PAPPA2: variants seen among roughly 807,000 people sequenced by gnomAD.
The protein encoded by PAPPA2 is pappalysin-2.
A neutral mutation model predicts 176.4 loss-of-function variants in PAPPA2; 86 were observed. The observed-to-expected ratio is 0.49, with a 90% CI of 0.41 to 0.58. PAPPA2 has a LOEUF of 0.58. Ranked by LOEUF, PAPPA2 falls within the 20% of genes least tolerant of loss-of-function variation. The pLI is 0.00. For missense variants in PAPPA2, 2,073 were observed against 2,256.9 expected (o/e 0.92, Z 1.65); for synonymous variants, 809 against 852.2 (o/e 0.95, Z 0.88).
chr1:176,771,222 G>T, intron 17 of PAPPA2, 42 bp downstream of exon 17: 1 of 1,578,214 alleles, frequency 6.3e-7, no homozygotes, highest in Non-Finnish European at 8.7e-7. Context: ...TACCTACCTC[G>T]CTGCTTGTTA....
Position 176,718,672 on chromosome 1 carries a change from T to G in PAPPA2, c.3798+6691T>G, listed in dbSNP as rs545151801. ...TTATTTATAAGTGTGCTGTTTAACT[T>G]GAAAACATATGTGGATTTGGGGTAA... is the stretch of plus-strand genomic sequence containing the variant. On this transcript the variant is annotated intron_variant, in intron 12 of 22. Coordinates refer to ENST00000367662, the MANE Select transcript of PAPPA2 (RefSeq NM_020318.3). Among the ~76,000 whole-genome samples, 7 of 151,808 alleles carry G rather than the reference T, an allele frequency of 4.6e-5. No individual in the cohort carries two copies. In the South Asian group the frequency reaches 1.5e-3, roughly 32 times the overall value.
intron 14 of PAPPA2, among the ~76,000 whole-genome samples, chr1:176,755,259 C>T (rs1355141462): frequency 6.6e-6 from 1 of 151,970 alleles, no homozygotes; most frequent in Non-Finnish European, 1.5e-5. Flanking sequence ...CAAAGGGGCC[C>T]CACAGGTGTT....
intron 2 of PAPPA2, among the ~76,000 whole-genome samples, chr1:176,582,085 G>A (rs1653014869): frequency 6.6e-6 from 1 of 151,396 alleles, no homozygotes; most frequent in Admixed American, 6.6e-5. Context: ...CACCACGCCC[G>A]GCTAATTTTT....
chr1:176,769,092 A>G (rs546859500), intron 15 of PAPPA2, among the ~76,000 whole-genome samples: 1 of 152,342 alleles, frequency 6.6e-6, no homozygotes, highest in South Asian at 2.1e-4. Context: ...AGGAGTGCAG[A>G]ATCACAGGAA....
chr1:176,516,921 T>C (rs891198797), intron 1 of PAPPA2, among the ~76,000 whole-genome samples: 4 of 152,200 alleles, frequency 2.6e-5, no homozygotes, highest in Admixed American at 6.6e-5. Context: ...GTCACTGCCA[T>C]TTTCAGCTTT....
intron 19 of PAPPA2, among the ~76,000 whole-genome samples, chr1:176,793,073 C>CCCA (rs1030174804): frequency 3.9e-5 from 6 of 152,032 alleles, no homozygotes; most frequent in African/African-American, 1.2e-4. Flanking sequence ...TTTCCCGCCA[C>CCCA]CCACCACCAC....
intron 21 of PAPPA2, among the ~76,000 whole-genome samples, chr1:176,819,352 A>G (rs1346601617): frequency 6.6e-6 from 1 of 152,144 alleles, no homozygotes; most frequent in Non-Finnish European, 1.5e-5. Flanking sequence ...GCCTATGGTT[A>G]GCATCACTCT....
chr1:176,745,777 G>A (rs1406750295), intron 14 of PAPPA2, among the ~76,000 whole-genome samples: 1 of 152,202 alleles, frequency 6.6e-6, no homozygotes, highest in Admixed American at 6.5e-5. Context: ...GTGGAACATT[G>A]TGTGGCAGAG....
rs775922380 is a variant in PAPPA2, at chr1:176,771,159, G to A, written c.4694G>A (p.Ser1565Asn). 1.2e-6 allele frequency: 2 copies of A among 1,614,172 alleles called. No individual in the cohort carries two copies. Among genetic ancestry groups the A allele is most frequent in the Non-Finnish European group, 1.7e-6 (2 of 1,180,006 alleles). Residue 1565 changes from serine (S) to asparagine (N), a missense_variant, in exon 17 of 23, where the codon AGT (serine) becomes AAT (asparagine). This residue lies in a region of PAPPA2 where 846 missense variants were observed against 857.9 expected (regional missense o/e 0.99). Transcript: ENST00000367662. ...AAACCAGGGTACTATGTGGCAGAAA[G>A]TGCAGAGGGTAAAGTCAGGAAGTAA... Reference protein sequence around the residue: ...ECKPGYYVAESAEGKVRNKLL... With the variant: ...ECKPGYYVAENAEGKVRNKLL...
At chr1:176,465,251 C>G (rs1463439903) in intron 1 of PAPPA2, among the ~76,000 whole-genome samples, 2 of 152,096 alleles carry the variant, frequency 1.3e-5, no homozygotes, top group African/African-American at 4.8e-5. Context: ...TGGTTATTTT[C>G]TTAGGATACA....
intron 2 of PAPPA2, among the ~76,000 whole-genome samples, chr1:176,566,200 C>A (rs955387973): frequency 3.3e-5 from 5 of 152,108 alleles, no homozygotes; most frequent in Non-Finnish European, 5.9e-5. Flanking sequence ...TTTGGCAGAC[C>A]ATTCAGGGTT....
chr1:176,492,807 A>G (rs139134156), intron 1 of PAPPA2, among the ~76,000 whole-genome samples: 1 of 152,320 alleles, frequency 6.6e-6, no homozygotes, highest in African/African-American at 2.4e-5. Flanking sequence ...TGCATAATCT[A>G]ATTTATCACT....
At chr1:176,492,171 G>C (rs10913186) in intron 1 of PAPPA2, among the ~76,000 whole-genome samples, 17,703 of 152,184 alleles carry the variant, frequency 0.12, 1,091 homozygotes, top group Middle Eastern at 0.2. Flanking sequence ...TGGGTGCAGA[G>C]AGCCCAGTGC....
At chr1:176,486,681 T>A (rs1372453926) in intron 1 of PAPPA2, among the ~76,000 whole-genome samples, 2 of 152,186 alleles carry the variant, frequency 1.3e-5, no homozygotes, top group Non-Finnish European at 2.9e-5. Flanking sequence ...AGGTACTTTT[T>A]GAAACCAGGT....
intron 7 of PAPPA2, 116 bp downstream of exon 7, chr1:176,695,975 T>C: frequency 1.6e-6 from 1 of 606,650 alleles, no homozygotes; most frequent in Non-Finnish European, 2.3e-6. Flanking sequence ...TATGTGTGTG[T>C]GTGTGTGTGT....
At chr1:176,697,890 A>G (rs565475371) in intron 7 of PAPPA2, among the ~76,000 whole-genome samples, 3 of 152,308 alleles carry the variant, frequency 2.0e-5, no homozygotes, top group South Asian at 2.1e-4. Flanking sequence ...GTGTAAAAGA[A>G]CTACACTACC....
intron 1 of PAPPA2, among the ~76,000 whole-genome samples, chr1:176,494,410 C>G (rs1647481382): frequency 6.6e-6 from 1 of 152,174 alleles, no homozygotes; most frequent in Admixed American, 6.5e-5. Context: ...GAAATTTAGT[C>G]ATTTAATTAT....
chr1:176,745,859 G>T (rs559671159), intron 14 of PAPPA2, among the ~76,000 whole-genome samples: 12 of 152,288 alleles, frequency 7.9e-5, no homozygotes, highest in African/African-American at 1.9e-4. Context: ...GCAGGTAAAA[G>T]CTCATGAAGA....
chr1:176,602,798 C>T (rs1654402106), intron 3 of PAPPA2, among the ~76,000 whole-genome samples: 1 of 152,106 alleles, frequency 6.6e-6, no homozygotes. Context: ...ATGGTCACGT[C>T]AACTGGCAAT....
Sources: allele counts gnomAD v4.1 joint callset (sites outside exome capture counted in the v4.1 genomes callset), GRCh38; gene constraint gnomAD v4.1.1; regional missense constraint gnomAD v4.1.1; transcripts MANE v1.5; gene names NCBI Gene and HGNC (gene_info 2026-07-23, HGNC 2026-07-21).